The following DGKB variants were observed in gnomAD, a reference collection of about 807,000 sequenced individuals.
The protein encoded by DGKB is diacylglycerol kinase beta.
In DGKB, 67 loss-of-function variants were observed where a neutral mutation model predicts 114.3. The ratio of observed to expected loss-of-function variants is 0.59; its 90% CI spans 0.48 to 0.72. The LOEUF (loss-of-function observed/expected upper bound fraction) is 0.72. Among genes scored for constraint, DGKB ranks in the 30% least tolerant of loss-of-function variants. DGKB has a pLI of 0.00. For synonymous variants in DGKB, 398 were observed against 323.1 expected (o/e 1.23, Z -2.49); for missense variants, 907 against 975.2 (o/e 0.93, Z 0.93).
At chr7:14,874,554 T>C (rs1276058154) in intron 1 of DGKB, among the ~76,000 whole-genome samples, 1 of 150,548 alleles carries the variant, frequency 6.6e-6, no homozygotes, top group Non-Finnish European at 1.5e-5. Flanking sequence ...CATATAATTT[T>C]CTCTCTCTCT....
intron 21 of DGKB, among the ~76,000 whole-genome samples, chr7:14,418,281 ATG>A (rs1172101926): frequency 6.9e-6 from 1 of 144,670 alleles, no homozygotes; most frequent in Non-Finnish European, 1.5e-5. Context: ...TATTTTATAT[ATG>A]TGTGTATATA....
At chr7:14,797,772 A>G (rs1562561282) in intron 2 of DGKB, among the ~76,000 whole-genome samples, 1 of 151,726 alleles carries the variant, frequency 6.6e-6, no homozygotes, top group Non-Finnish European at 1.5e-5. Flanking sequence ...CTTCTCTCCC[A>G]TTGTTTGGTG....
At position 14,498,530 on chromosome 7, in the gene DGKB, T is replaced by A. The variant is rs76125109; in HGVS notation, c.1771-20305A>T. On this transcript the variant is annotated intron_variant, in intron 20 of 25. Coordinates refer to ENST00000402815, the MANE Select transcript of DGKB (RefSeq NM_001350709.2). ...GCTGAACAGGAGTAGAACTAAAGTG[T>A]TCTGAATTAAAATGCAGGCATCCTT... Among the ~76,000 whole-genome samples the A allele has an allele frequency of 2.5e-4, 38 of 151,866 alleles. No homozygotes were observed. The East Asian group carries it at 6.6e-3, about 26-fold the overall frequency.
chr7:14,778,754 A>T (rs1383528663), intron 2 of DGKB, among the ~76,000 whole-genome samples: 1 of 152,258 alleles, frequency 6.6e-6, no homozygotes, highest in African/African-American at 2.4e-5. Context: ...ATAACCAAGC[A>T]TTTTAAATGT....
intron 1 of DGKB, among the ~76,000 whole-genome samples, chr7:14,910,004 C>T (rs1401876513): frequency 3.3e-5 from 5 of 151,840 alleles, no homozygotes; most frequent in African/African-American, 9.7e-5. Flanking sequence ...GTCAGGAGTT[C>T]GAGACCAGCC....
intron 23 of DGKB, among the ~76,000 whole-genome samples, chr7:14,196,032 C>T (rs190857655): frequency 6.0e-4 from 91 of 152,056 alleles, no homozygotes; most frequent in Admixed American, 3.1e-3. Context: ...TGTTTGTTGC[C>T]GAAAAATATA....
chr7:14,659,258 T>A (rs918761281), intron 13 of DGKB, among the ~76,000 whole-genome samples: 2 of 152,102 alleles, frequency 1.3e-5, no homozygotes, highest in African/African-American at 4.8e-5. Flanking sequence ...TCACATCCTA[T>A]CATTTCCTGC....
chr7:14,405,332 T>C lies in DGKB; in HGVS notation c.1836-59941A>G, dbSNP rs186201514. Among the ~76,000 whole-genome samples, 258 of 152,154 alleles carry C rather than the reference T, an allele frequency of 1.7e-3. 1 individual carries two copies. Among genetic ancestry groups the C allele is most frequent in the African/African-American group, 6.0e-3 (248 of 41,542 alleles). ...CTTTTTAAATACAGAATCTACCATG[T>C]TATTAGCTTTTTAATAAGTTACTTA... On this transcript the variant is annotated intron_variant, in intron 21 of 25. Coordinates refer to ENST00000402815, the MANE Select transcript of DGKB (RefSeq NM_001350709.2).
At chr7:14,535,972 G>A (rs545147081) in intron 20 of DGKB, among the ~76,000 whole-genome samples, 2 of 152,166 alleles carry the variant, frequency 1.3e-5, no homozygotes, top group East Asian at 3.9e-4. Context: ...AATGAAACAG[G>A]AGTGAATACA....
At chr7:14,471,782 G>T (rs1293493081) in intron 21 of DGKB, among the ~76,000 whole-genome samples, 1 of 151,790 alleles carries the variant, frequency 6.6e-6, no homozygotes, top group Non-Finnish European at 1.5e-5. Flanking sequence ...AAGATATATA[G>T]AAAAATATAG....
chr7:14,722,992 C>T (rs950994380), intron 5 of DGKB, among the ~76,000 whole-genome samples: 2 of 129,422 alleles, frequency 1.5e-5, no homozygotes, highest in Non-Finnish European at 3.1e-5. Flanking sequence ...ACACCCTACT[C>T]TACCCTTTAT....
intron 23 of DGKB, among the ~76,000 whole-genome samples, chr7:14,194,372 G>A (rs1212373274): frequency 6.6e-6 from 1 of 152,108 alleles, no homozygotes; most frequent in African/African-American, 2.4e-5. Flanking sequence ...GCCATAAAAA[G>A]AATAAAATCC....
chr7:14,842,215 T>C (rs1183512891), intron 1 of DGKB, among the ~76,000 whole-genome samples: 1 of 152,222 alleles, frequency 6.6e-6, no homozygotes, highest in Non-Finnish European at 1.5e-5. Flanking sequence ...TTGTAATCAT[T>C]GCAAGGTTTA....
chr7:14,904,447 C>T (rs568198731), upstream of DGKB, among the ~76,000 whole-genome samples: 28 of 151,804 alleles, frequency 1.8e-4, no homozygotes, highest in African/African-American at 2.4e-4. Context: ...AGGGGGAACA[C>T]GGAAGAAAGA....
At chr7:14,848,709 AG>A (rs1848961656) in intron 1 of DGKB, among the ~76,000 whole-genome samples, 1 of 152,168 alleles carries the variant, frequency 6.6e-6, no homozygotes, top group Admixed American at 6.5e-5. Flanking sequence ...TTTTGAACTG[AG>A]GTCACACTTT....
At chr7:14,689,526 G>T (rs1822442910) in intron 9 of DGKB, among the ~76,000 whole-genome samples, 2 of 152,130 alleles carry the variant, frequency 1.3e-5, no homozygotes, top group Admixed American at 1.3e-4. Context: ...CAAAGAGAAT[G>T]CAGAGAAAAG....
chr7:14,837,626 T>A (rs1847335179), intron 2 of DGKB, among the ~76,000 whole-genome samples: 1 of 152,180 alleles, frequency 6.6e-6, no homozygotes, highest in Admixed American at 6.5e-5. Context: ...AGAAAGTGAA[T>A]GCATTGTATC....
At chr7:14,814,480 G>A (rs775584514) in intron 2 of DGKB, among the ~76,000 whole-genome samples, 6 of 152,114 alleles carry the variant, frequency 3.9e-5, no homozygotes, top group Non-Finnish European at 7.4e-5. Flanking sequence ...CAGGAATTCT[G>A]TTATTGTGGC....
At chr7:14,611,844 AT>A (rs886231066) in intron 16 of DGKB, among the ~76,000 whole-genome samples, 11 of 151,358 alleles carry the variant, frequency 7.3e-5, no homozygotes, top group Middle Eastern at 6.4e-3. Context: ...TGAAAATACT[AT>A]TTTTTTTCTC....
Sources: gnomAD v4.1 joint callset for allele counts (sites outside exome capture counted in the v4.1 genomes callset) on GRCh38, gnomAD v4.1.1 for gene constraint, MANE v1.5 for transcripts, NCBI Gene and HGNC (gene_info 2026-07-23, HGNC 2026-07-21) for gene names.